Variants in IQCH observed in about 807,000 individuals in gnomAD.
IQCH encodes the protein IQ motif containing H, also known as IQ domain-containing protein H.
In IQCH, 98 loss-of-function variants were observed where a neutral mutation model predicts 117.0. That is an observed-to-expected ratio of 0.84 (90% CI 0.71 to 0.99). The LOEUF is 0.99. Among genes scored for constraint, IQCH ranks in the 50% least tolerant of loss-of-function variants. The probability of loss-of-function intolerance (pLI) is 0.00; values close to 1 mark genes in which losing one functional copy is unlikely to be tolerated. For missense variants in IQCH, 1,102 were observed against 1,243.8 expected, an observed-to-expected ratio of 0.89 and a Z score of 1.72; for synonymous variants, 412 against 448.2, an observed-to-expected ratio of 0.92 and a Z score of 1.02.
Position 67,385,374 on chromosome 15 carries a change from T to C in IQCH, c.1456+355T>C, listed in dbSNP as rs562433425. Among the ~76,000 whole-genome samples, 8 of 152,288 alleles carry C rather than the reference T, an allele frequency of 5.3e-5. No homozygotes were observed. The East Asian group carries it at 1.3e-3, about 26-fold the overall frequency. On this transcript the variant is annotated intron_variant, in intron 11 of 20. Coordinates refer to ENST00000335894, the MANE Select transcript of IQCH (RefSeq NM_001031715.3). This position sits in a 1 kb window ranked among gnomAD's most constrained non-coding sequence, Gnocchi z 4.6. ...ACATTTGTGTCAGTCTTGTCTCTTATAGTATCTGGGGAATGTGTGAAAGGT... is the reference window on the plus strand; with the variant it reads ...ACATTTGTGTCAGTCTTGTCTCTTACAGTATCTGGGGAATGTGTGAAAGGT...
At position 67,353,156 on chromosome 15, in the gene IQCH, AT is replaced by A. The variant is rs369864768; in HGVS notation, c.638-4188del. On this transcript the variant is annotated intron_variant, in intron 6 of 20. Transcript: ENST00000335894. ...GCGAGACTCAGTCTCAAAAAAAAAA[AT>A]AAAGAAAAAAGAAAACAAGAACAAT... 6.3e-4 allele frequency among the ~76,000 whole-genome samples: 95 copies of A among 151,826 alleles called. 3 individuals carry two copies. The East Asian group carries it at 0.011, about 18-fold the overall frequency.
rs1423270843 is a variant in IQCH at position 67,369,460 on chromosome 15, A to T, written c.754-2651A>T. 1.3e-5 allele frequency among the ~76,000 whole-genome samples: 2 copies of T among 151,876 alleles called. No individual in the cohort carries two copies. The highest frequency in any genetic ancestry group is 1.9e-4 in the East Asian group (1 of 5,186). ...TCATATTGGGAGTACAGCACATCTT[A>T]AAAAAGGAGGGAAAGAGAGAGGAAG... On this transcript the variant is annotated intron_variant, in intron 8 of 20. Transcript: ENST00000335894. The surrounding 1 kb of genome is among the most constrained non-coding windows in gnomAD (Gnocchi z 5.2).
At position 67,364,265 on chromosome 15, in the gene IQCH, T is replaced by C. The variant is rs1970253955; in HGVS notation, c.753+4380T>C. On this transcript the variant is annotated intron_variant, in intron 8 of 20. Coordinates refer to ENST00000335894, the MANE Select transcript of IQCH (RefSeq NM_001031715.3). The surrounding 1 kb of genome is among the most constrained non-coding windows in gnomAD (Gnocchi z 4.1). The stretch of plus-strand genomic sequence containing the variant: ...AATAGTCATTCTGACTGGTATGAGA[T>C]GGTATCTCATTGTGGTTTTGATTTG... 1.3e-5 allele frequency among the ~76,000 whole-genome samples: 2 copies of C among 152,236 alleles called. No homozygotes were observed. Among genetic ancestry groups the C allele is most frequent in the Admixed American group, 1.3e-4 (2 of 15,274 alleles).
rs547194090 is a variant in IQCH, at chr15:67,404,881, G to A, written c.2097+4576G>A. ...TTTTGCTTCTGTTGAGTTACTTCCC[G>A]AGGAGAAAGACCCAGGAGTAGAATA... On this transcript the variant is annotated intron_variant, in intron 14 of 20. Transcript: ENST00000335894. The surrounding 1 kb of genome is among the most constrained non-coding windows in gnomAD (Gnocchi z 4.6). The A allele has an allele frequency of 1.3e-5, 2 of 152,192 alleles. No homozygotes were observed. The highest frequency in any genetic ancestry group is 2.4e-5 in the African/African-American group (1 of 41,512). 9.4% of individuals were successfully genotyped at this position (152,192 alleles called of 1,614,324 possible).
rs553134145 is a variant in IQCH at position 67,414,667 on chromosome 15, T to C, written c.2098-2264T>C. ...TCTCCCCAACACCAAAAAAAAAATATATATATATATAATATAATATATATA... is the reference window on the plus strand; with the variant it reads ...TCTCCCCAACACCAAAAAAAAAATACATATATATATAATATAATATATATA... On this transcript the variant is annotated intron_variant, in intron 14 of 20. Coordinates refer to ENST00000335894, the MANE Select transcript of IQCH (RefSeq NM_001031715.3). Among the ~76,000 whole-genome samples, 3 of 147,660 alleles carry C rather than the reference T, an allele frequency of 2.0e-5. No homozygotes were observed. In the East Asian group the frequency reaches 5.8e-4, roughly 29 times the overall value.
rs377665670 is a variant in IQCH at position 67,416,284 on chromosome 15, G to A, written c.2098-647G>A. On this transcript the variant is annotated intron_variant, in intron 14 of 20. Coordinates refer to ENST00000335894, the MANE Select transcript of IQCH (RefSeq NM_001031715.3). The surrounding 1 kb of genome is among the most constrained non-coding windows in gnomAD (Gnocchi z 5.1). ...TGTAATCCCAGCACTTTGGGAGGCC[G>A]AGGCGGGCGGATCACCTGAGGTCGG... 3.3e-5 allele frequency among the ~76,000 whole-genome samples: 5 copies of A among 151,610 alleles called. No homozygotes were observed. Among genetic ancestry groups the A allele is most frequent in the East Asian group, 1.9e-4 (1 of 5,184 alleles).
intron 18 of IQCH, among the ~76,000 whole-genome samples, chr15:67,486,308 G>A (rs2083479058): frequency 6.6e-6 from 1 of 152,060 alleles, no homozygotes; most frequent in Admixed American, 6.5e-5. Context: ...AAAGTGCTGG[G>A]ATTACAGGCG....
rs569445592 is a variant in IQCH at position 67,339,752 on chromosome 15, G to T, written c.508+2657G>T. Among the ~76,000 whole-genome samples, 44 of 152,284 alleles carry T rather than the reference G, an allele frequency of 2.9e-4. 1 individual carries two copies. Among genetic ancestry groups the T allele is most frequent in the Admixed American group, 2.1e-3 (32 of 15,290 alleles). On this transcript the variant is annotated intron_variant, in intron 5 of 20. Transcript: ENST00000335894. ...ACCAAAAATTCACAGAATAAGGCTG[G>T]TCTCAGTAGGTTTGGCCTGATAATT...
chr15:67,403,947 C>T lies in IQCH; in HGVS notation c.2097+3642C>T, dbSNP rs1189530179. 6.6e-6 allele frequency: 1 copy of T among 152,236 alleles called. No homozygotes were observed. The highest frequency in any genetic ancestry group is 1.5e-5 in the Non-Finnish European group (1 of 68,046). 9.4% of individuals were successfully genotyped at this position (152,236 alleles called of 1,614,324 possible). A position where few individuals can be genotyped will look rare whatever the true frequency, so the allele number is the denominator to read the frequency against. On this transcript the variant is annotated intron_variant, in intron 14 of 20. Coordinates refer to ENST00000335894, the MANE Select transcript of IQCH (RefSeq NM_001031715.3). The surrounding 1 kb of genome is among the most constrained non-coding windows in gnomAD (Gnocchi z 4.8). ...ACTTTCAAGTTTCTCTGCAGCCCTT[C>T]GTTGGGCCTCTGTTACCCTGGAGAT... is the stretch of plus-strand genomic sequence containing the variant.
At chr15:67,397,149 A>G (rs1162216705) in intron 13 of IQCH, among the ~76,000 whole-genome samples, 9 of 152,252 alleles carry the variant, frequency 5.9e-5, no homozygotes, top group African/African-American at 2.2e-4. Context: ...ATTATTACAC[A>G]CATGTACTAT....
chr15:67,331,949 C>T (rs1968684636), intron 4 of IQCH, among the ~76,000 whole-genome samples: 1 of 152,160 alleles, frequency 6.6e-6, no homozygotes, highest in Non-Finnish European at 1.5e-5. Flanking sequence ...CACATTTAGC[C>T]ACAGGGGATG....
chr15:67,402,629 T>C (rs1393269656), intron 14 of IQCH, among the ~76,000 whole-genome samples: 3 of 152,220 alleles, frequency 2.0e-5, no homozygotes, highest in African/African-American at 7.2e-5. Flanking sequence ...ACAAAACATA[T>C]GCTGGCAGGT....
chr15:67,270,563 A>G (rs915774495), intron 3 of IQCH, among the ~76,000 whole-genome samples: 1 of 152,150 alleles, frequency 6.6e-6, no homozygotes, highest in African/African-American at 2.4e-5. Flanking sequence ...TGCCATTCTC[A>G]TGGGAGTGAG....
intron 9 of IQCH, among the ~76,000 whole-genome samples, 158 bp from the exon 10 acceptor site, chr15:67,373,209 T>A (rs1462749845): frequency 1.3e-5 from 2 of 152,224 alleles, no homozygotes; most frequent in African/African-American, 2.4e-5. Flanking sequence ...TGTAGCCACC[T>A]AATTAAATTA....
intron 8 of IQCH, among the ~76,000 whole-genome samples, chr15:67,368,265 C>T (rs1002250864): frequency 1.3e-5 from 2 of 152,200 alleles, no homozygotes; most frequent in Admixed American, 6.5e-5. Flanking sequence ...CCCTTGTCCT[C>T]TAAAATTCAG....
At chr15:67,348,721 C>CA (rs1218978104) in intron 6 of IQCH, among the ~76,000 whole-genome samples, 3 of 152,228 alleles carry the variant, frequency 2.0e-5, no homozygotes, top group Admixed American at 1.3e-4. Flanking sequence ...AATGCAGTCC[C>CA]AATCAGGATC....
Position 67,376,931 on chromosome 15 carries a change from A to G in IQCH, c.1372+3498A>G, listed in dbSNP as rs1263405778. Reference sequence around the variant, plus strand: ...CAAGAGATCGAGACCATCCTGGCCAACATGGTGAAACCCCGTCTCTACTAA... The same window carrying G: ...CAAGAGATCGAGACCATCCTGGCCAGCATGGTGAAACCCCGTCTCTACTAA... On this transcript the variant is annotated intron_variant, in intron 10 of 20. Coordinates refer to ENST00000335894, the MANE Select transcript of IQCH (RefSeq NM_001031715.3). The surrounding 1 kb of genome is among the most constrained non-coding windows in gnomAD (Gnocchi z 5.0). 1.3e-5 allele frequency among the ~76,000 whole-genome samples: 2 copies of G among 152,072 alleles called. No individual in the cohort carries two copies. The highest frequency in any genetic ancestry group is 1.3e-4 in the Admixed American group (2 of 15,260).
rs191626296 is a variant in IQCH, at chr15:67,429,089, C to A, written c.2505+7512C>A. On this transcript the variant is annotated intron_variant, in intron 16 of 20. Transcript: ENST00000335894. Reference sequence around the variant, plus strand: ...TTTTAGCCCAGTAAGACTTCTGACCCACAGAGCTGAAAAATAATAAATCTG... The same window carrying A: ...TTTTAGCCCAGTAAGACTTCTGACCAACAGAGCTGAAAAATAATAAATCTG... Among the ~76,000 whole-genome samples the A allele has an allele frequency of 2.0e-5, 3 of 152,308 alleles. No homozygotes were observed. The East Asian group carries it at 5.8e-4, about 29-fold the overall frequency.
At chr15:67,480,107 C>T (rs562500914) in intron 18 of IQCH, among the ~76,000 whole-genome samples, 4 of 152,336 alleles carry the variant, frequency 2.6e-5, no homozygotes, top group African/African-American at 9.6e-5. Flanking sequence ...GTCACACATA[C>T]ATAGGCAATG....
Sources: allele counts gnomAD v4.1 joint callset (sites outside exome capture counted in the v4.1 genomes callset), GRCh38; gene constraint gnomAD v4.1.1; non-coding constraint Gnocchi (gnomAD v3.1); transcripts MANE v1.5; gene names NCBI Gene and HGNC (gene_info 2026-07-23, HGNC 2026-07-21).